Variants in CACNA1C observed in about 807,000 individuals in gnomAD.
CACNA1C encodes calcium voltage-gated channel subunit alpha1 C.
CACNA1C carries 30 observed loss-of-function variants against 229.0 expected under a neutral mutation model. The observed-to-expected ratio is 0.13, with a 90% confidence interval of 0.10 to 0.18. The LOEUF is 0.18. CACNA1C is among the 10% of genes least tolerant of loss of function. CACNA1C has a pLI of 1.00. For missense variants in CACNA1C, 1,658 were observed against 2,845.0 expected (o/e 0.58, Z 9.49); for synonymous variants, 1,114 against 1,132.5 (o/e 0.98, Z 0.33).
intron 2 of CACNA1C, among the ~76,000 whole-genome samples, chr12:2,116,678 AC>A (rs2084053519): frequency 6.6e-6 from 1 of 152,000 alleles, no homozygotes; most frequent in Non-Finnish European, 1.5e-5. Flanking sequence ...CCCAGAAAGG[AC>A]CTTTAAGTGC....
chr12:2,397,883 G>C (rs111475069), intron 3 of CACNA1C, among the ~76,000 whole-genome samples: 1 of 152,256 alleles, frequency 6.6e-6, no homozygotes, highest in African/African-American at 2.4e-5. Context: ...GGCAGACAGC[G>C]TGCTTTGTCC....
chr12:2,124,769 G>A (rs2089260000), intron 3 of CACNA1C, among the ~76,000 whole-genome samples: 3 of 152,090 alleles, frequency 2.0e-5, no homozygotes, highest in African/African-American at 4.8e-5. Context: ...GATACGAGGA[G>A]CCAGGTGCCC....
chr12:2,217,171 G>A (rs949449265), intron 3 of CACNA1C, among the ~76,000 whole-genome samples: 4 of 152,194 alleles, frequency 2.6e-5, no homozygotes, highest in Admixed American at 2.6e-4. Context: ...GAGAAATATG[G>A]TATGATTCCA....
intron 3 of CACNA1C, among the ~76,000 whole-genome samples, chr12:2,304,927 C>T (rs186878853): frequency 2.0e-5 from 3 of 152,290 alleles, no homozygotes; most frequent in Non-Finnish European, 4.4e-5. Flanking sequence ...TTTTACAGAG[C>T]TTTCATTTCT....
chr12:2,493,415 G>C lies in CACNA1C; in HGVS notation c.1113+29G>C. The C allele has an allele frequency of 6.3e-7, 1 of 1,577,028 alleles. No homozygotes were observed. The highest frequency in any genetic ancestry group is 1.1e-5 in the South Asian group (1 of 90,170). On this transcript the variant is annotated intron_variant, in intron 7 of 46. Transcript: ENST00000399655. The surrounding 1 kb of genome is among the most constrained non-coding windows in gnomAD (Gnocchi z 4.6). ...CGTAGCATGAGTGGGCAGTCAGAGGGTGGGGGAACAGCGGCCGTGAACCCT... is the reference window on the plus strand; with the variant it reads ...CGTAGCATGAGTGGGCAGTCAGAGGCTGGGGGAACAGCGGCCGTGAACCCT...
intron 3 of CACNA1C, among the ~76,000 whole-genome samples, chr12:2,327,511 C>T (rs986708715): frequency 6.6e-6 from 1 of 152,220 alleles, no homozygotes; most frequent in Non-Finnish European, 1.5e-5. Flanking sequence ...TTGGCATTCA[C>T]TGTGGTCCAC....
chr12:2,018,735 C>G (rs1357065885), intron 1 of CACNA1C, among the ~76,000 whole-genome samples: 1 of 152,174 alleles, frequency 6.6e-6, no homozygotes, highest in African/African-American at 2.4e-5. Context: ...CTGGCAGGGA[C>G]AGGTAGCTTG....
chr12:2,643,920 C>G (rs2094035332), intron 30 of CACNA1C, among the ~76,000 whole-genome samples: 1 of 152,202 alleles, frequency 6.6e-6, no homozygotes, highest in Non-Finnish European at 1.5e-5. Flanking sequence ...CCCAACAGAA[C>G]CAGCTGTTGT....
chr12:2,674,372 A>G (rs1234676991), intron 38 of CACNA1C, 169 bp from the exon 39 acceptor site: 75 of 917,924 alleles, frequency 8.2e-5, no homozygotes, highest in Non-Finnish European at 1.2e-4. Flanking sequence ...GGGAAGAGGA[A>G]GGAGGTGGAA....
intron 45 of CACNA1C, 48 bp from the exon 46 acceptor site, chr12:2,688,399 T>G: frequency 6.4e-7 from 1 of 1,573,408 alleles, no homozygotes; most frequent in Non-Finnish European, 8.7e-7. Flanking sequence ...GCCTGCCTTG[T>G]TTGGGGTCGG....
chr12:2,053,495 C>T lies in CACNA1C; in HGVS notation c.-68C>T. On this transcript the variant is annotated 5_prime_UTR_variant, in exon 1 of 47. Coordinates refer to ENST00000399655, the MANE Select transcript of CACNA1C (RefSeq NM_000719.7). The surrounding 1 kb of genome is among the most constrained non-coding windows in gnomAD (Gnocchi z 5.8). The stretch of plus-strand genomic sequence containing the variant: ...CTCGGAGGAGGGATTAATCCAGACC[C>T]GCCGGGGGGTGTTTTCACATTTCTT... 1 of 1,537,760 alleles carries T rather than the reference C, an allele frequency of 6.5e-7. No individual in the cohort carries two copies. Among genetic ancestry groups the T allele is most frequent in the Non-Finnish European group, 8.8e-7 (1 of 1,139,594 alleles).
chr12:2,460,499 A>G (rs1044366660), intron 5 of CACNA1C, among the ~76,000 whole-genome samples: 27 of 152,262 alleles, frequency 1.8e-4, no homozygotes, highest in African/African-American at 5.8e-4. Flanking sequence ...GCTACAGTGC[A>G]TTAAAAGGAA....
At position 2,275,553 on chromosome 12, in the gene CACNA1C, G is replaced by C. The variant is rs2087467625; in HGVS notation, c.477+155123G>C. On this transcript the variant is annotated intron_variant, in intron 3 of 46. Coordinates refer to ENST00000399655, the MANE Select transcript of CACNA1C (RefSeq NM_000719.7). The surrounding 1 kb of genome is among the most constrained non-coding windows in gnomAD (Gnocchi z 4.1). ...CCCCACGCAGCCCCACCCTTGACCT[G>C]CCACCTCCATCTGCACCTGCTTGTG... 6.6e-6 allele frequency among the ~76,000 whole-genome samples: 1 copy of C among 150,550 alleles called. No individual in the cohort carries two copies. The highest frequency in any genetic ancestry group is 2.4e-5 in the African/African-American group (1 of 40,862).
chr12:1,982,437 C>A (rs755912405), intron 1 of CACNA1C, among the ~76,000 whole-genome samples: 5 of 152,140 alleles, frequency 3.3e-5, no homozygotes, highest in Non-Finnish European at 7.4e-5. Flanking sequence ...ATGAATTTGA[C>A]TACTCTAGGT....
At chr12:2,129,076 C>T (rs967143103) in intron 3 of CACNA1C, among the ~76,000 whole-genome samples, 4 of 152,194 alleles carry the variant, frequency 2.6e-5, no homozygotes, top group Admixed American at 1.3e-4. Flanking sequence ...CCCACTCATA[C>T]CATCACAGAC....
chr12:2,216,751 C>A (rs1201803835), intron 3 of CACNA1C, among the ~76,000 whole-genome samples: 3 of 152,142 alleles, frequency 2.0e-5, no homozygotes, highest in Non-Finnish European at 1.5e-5. Flanking sequence ...CCAGGTGATT[C>A]TAATAGGCAG....
At chr12:2,214,942 G>A (rs1052747168) in intron 3 of CACNA1C, among the ~76,000 whole-genome samples, 1 of 152,064 alleles carries the variant, frequency 6.6e-6, no homozygotes, top group Non-Finnish European at 1.5e-5. Flanking sequence ...GAAGAGGAGT[G>A]TTCAGTGTCT....
chr12:2,121,778 T>C (rs1336275729), intron 3 of CACNA1C, among the ~76,000 whole-genome samples: 1 of 152,244 alleles, frequency 6.6e-6, no homozygotes, highest in African/African-American at 2.4e-5. Flanking sequence ...ATTTCTTCCC[T>C]GTGTAGCCAC....
At chr12:2,254,872 T>C (rs1281180185) in intron 3 of CACNA1C, among the ~76,000 whole-genome samples, 1 of 152,196 alleles carries the variant, frequency 6.6e-6, no homozygotes, top group Admixed American at 6.5e-5. Flanking sequence ...CCCCCCGTCC[T>C]CTCTTCACTT....
Sources: allele counts gnomAD v4.1 joint callset (sites outside exome capture counted in the v4.1 genomes callset), GRCh38; gene constraint gnomAD v4.1.1; non-coding constraint Gnocchi (gnomAD v3.1); transcripts MANE v1.5; gene names NCBI Gene and HGNC (gene_info 2026-07-23, HGNC 2026-07-21).